The following OSBPL9 variants were observed in gnomAD, a reference collection of about 807,000 sequenced individuals.
OSBPL9 encodes the protein oxysterol-binding protein-related protein 9.
OSBPL9 carries 40 observed loss-of-function variants against 106.6 expected under a neutral mutation model. The ratio of observed to expected loss-of-function variants is 0.38; its 90% CI spans 0.29 to 0.49. OSBPL9 has a LOEUF of 0.49. Ranked by LOEUF, OSBPL9 falls within the 20% of genes least tolerant of loss-of-function variation. OSBPL9 has a pLI of 0.97. For synonymous variants in OSBPL9, 269 were observed against 295.4 expected, an observed-to-expected ratio of 0.91 and a Z score of 0.92; for missense variants, 609 against 887.2, an observed-to-expected ratio of 0.69 and a Z score of 3.98.
intron 8 of OSBPL9, among the ~76,000 whole-genome samples, chr1:51,751,086 T>G (rs890683895): frequency 1.3e-5 from 2 of 152,166 alleles, no homozygotes; most frequent in Non-Finnish European, 1.5e-5. Flanking sequence ...AGGCCTGATT[T>G]AAAATATATT....
At chr1:51,713,123 G>GT (rs973608941) in intron 3 of OSBPL9, among the ~76,000 whole-genome samples, 47 of 151,494 alleles carry the variant, frequency 3.1e-4, no homozygotes, top group Non-Finnish European at 5.5e-4. Flanking sequence ...TGTGTGGTTG[G>GT]TTTTTTTTGT....
the OSBPL9 span, among the ~76,000 whole-genome samples, chr1:51,530,061 C>T: frequency 6.7e-6 from 1 of 149,424 alleles, no homozygotes; most frequent in African/African-American, 2.5e-5. Context: ...GTCCCAGCTA[C>T]TTGGGAGGCT....
At chr1:51,746,502 G>T (rs1668005975) in intron 5 of OSBPL9, among the ~76,000 whole-genome samples, 1 of 152,102 alleles carries the variant, frequency 6.6e-6, no homozygotes, top group Non-Finnish European at 1.5e-5. Context: ...CAGAGTGATT[G>T]ATCTTGACCA....
chr1:51,786,784 A>G (rs1383807059), intron 22 of OSBPL9, among the ~76,000 whole-genome samples, 167 bp downstream of exon 22: 1 of 152,152 alleles, frequency 6.6e-6, no homozygotes, highest in African/African-American at 2.4e-5. Flanking sequence ...CTTTGTGACC[A>G]TGGATGGCTC....
intron 11 of OSBPL9, among the ~76,000 whole-genome samples, chr1:51,762,775 T>C (rs1435338935): frequency 2.6e-5 from 4 of 152,236 alleles, no homozygotes; most frequent in African/African-American, 9.6e-5. Context: ...TAGAGCACTT[T>C]CCATGTTTGT....
rs74080618 is a variant in OSBPL9, at chr1:51,726,162, A to G, written c.318+12083A>G. On this transcript the variant is annotated intron_variant, in intron 4 of 23. Transcript: ENST00000428468. ...GTGGTTCCCATGGGTGCTGGTTCCC[A>G]TGGAGGTTGCCCCTTGTGAGTTTTT... is the stretch of plus-strand genomic sequence containing the variant. 9.2e-3 allele frequency among the ~76,000 whole-genome samples: 1,394 copies of G among 151,976 alleles called. 27 individuals are homozygous for G. Among genetic ancestry groups the G allele is most frequent in the African/African-American group, 0.03 (1,227 of 41,222 alleles).
chr1:51,664,858 A>G (rs1331725741), intron 2 of OSBPL9, among the ~76,000 whole-genome samples: 2 of 152,234 alleles, frequency 1.3e-5, no homozygotes, highest in Non-Finnish European at 2.9e-5. Flanking sequence ...ATTTGTATAT[A>G]TGTTACATTT....
At chr1:51,678,396 C>T (rs558242314) in intron 3 of OSBPL9, among the ~76,000 whole-genome samples, 2 of 152,172 alleles carry the variant, frequency 1.3e-5, no homozygotes, top group African/African-American at 2.4e-5. Flanking sequence ...TGCAGTGGCT[C>T]ATGCCTGTAA....
intron 1 of OSBPL9, among the ~76,000 whole-genome samples, chr1:51,591,757 A>C (rs979007214): frequency 3.9e-5 from 6 of 152,050 alleles, no homozygotes; most frequent in African/African-American, 1.4e-4. Context: ...ATGCCACTGC[A>C]CTCCAGCCTG....
At chr1:51,551,352 T>C in the OSBPL9 span, among the ~76,000 whole-genome samples, 1 of 152,116 alleles carries the variant, frequency 6.6e-6, no homozygotes, top group Admixed American at 6.6e-5. Flanking sequence ...TTCCCTCTTC[T>C]TCAATTCCCC....
intron 1 of OSBPL9, among the ~76,000 whole-genome samples, chr1:51,620,087 A>T (rs909885821): frequency 3.3e-5 from 5 of 152,216 alleles, no homozygotes; most frequent in African/African-American, 9.6e-5. Flanking sequence ...GATCATTGCG[A>T]TAGTTGTGAA....
Position 51,782,594 on chromosome 1 carries a change from C to T in OSBPL9, c.1464C>T (p.Ser488=). ...LVSEGPVPWV[S]KNSVTFVAEQ... is the part of the protein sequence containing the mutation. ...CAGAAGGACCAGTTCCCTGGGTTTC[C>T]AAAAACAGTGTAACATTTGTGGCTG... The change falls in exon 17 of 24, where the codon TCC becomes TCT. Residue 488 remains serine, a synonymous_variant. Coordinates refer to ENST00000428468, the MANE Select transcript of OSBPL9 (RefSeq NM_024586.6). 1 of 1,613,976 alleles carries T rather than the reference C, an allele frequency of 6.2e-7. No individual in the cohort carries two copies. The highest frequency in any genetic ancestry group is 8.5e-7 in the Non-Finnish European group (1 of 1,179,942).
chr1:51,669,687 A>T, intron 3 of OSBPL9, 175 bp downstream of exon 3: 154 of 542,846 alleles, frequency 2.8e-4, no homozygotes, highest in Non-Finnish European at 3.7e-4. Context: ...TGTATCTGCA[A>T]TGGATGTAGA....
chr1:51,759,894 A>G (rs960356306), intron 9 of OSBPL9: 14 of 152,168 alleles, frequency 9.2e-5, no homozygotes, highest in Non-Finnish European at 5.9e-5. Flanking sequence ...CTTTCTCTTT[A>G]GTGACCATAA....
upstream of OSBPL9, among the ~76,000 whole-genome samples, chr1:51,574,635 T>C (rs1380054523): frequency 1.3e-5 from 2 of 151,042 alleles, no homozygotes; most frequent in Non-Finnish European, 3.0e-5. Flanking sequence ...AAAATAATAA[T>C]AAAGGAAATG....
At chr1:51,643,581 A>T (rs1199121292) in intron 1 of OSBPL9, among the ~76,000 whole-genome samples, 1 of 152,204 alleles carries the variant, frequency 6.6e-6, no homozygotes, top group East Asian at 1.9e-4. Flanking sequence ...AGCCAGGCCA[A>T]GCAGGGTCTC....
chr1:51,560,015 A>G, the OSBPL9 span, among the ~76,000 whole-genome samples: 2 of 152,220 alleles, frequency 1.3e-5, no homozygotes, highest in African/African-American at 2.4e-5. Context: ...ATTTACATAC[A>G]TGACCTCCTT....
intron 3 of OSBPL9, among the ~76,000 whole-genome samples, chr1:51,698,951 T>C (rs932976163): frequency 6.6e-6 from 1 of 152,148 alleles, no homozygotes. Flanking sequence ...CTTTTTTCTA[T>C]TAGATCCATT....
At chr1:51,597,762 A>G (rs1394457387) in intron 1 of OSBPL9, among the ~76,000 whole-genome samples, 1 of 152,206 alleles carries the variant, frequency 6.6e-6, no homozygotes, top group Non-Finnish European at 1.5e-5. Flanking sequence ...AGCCTCCTTT[A>G]GAATTCTAGG....
Sources: allele counts gnomAD v4.1 joint callset (sites outside exome capture counted in the v4.1 genomes callset), GRCh38; gene constraint gnomAD v4.1.1; transcripts MANE v1.5; gene names NCBI Gene and HGNC (gene_info 2026-07-23, HGNC 2026-07-21).